DCTD: variants seen among roughly 807,000 people sequenced by gnomAD.
The protein encoded by DCTD is dCMP deaminase.
Under a neutral mutation model 21.0 loss-of-function variants are expected in DCTD, and 23 were observed. The observed-to-expected ratio is 1.09, with a 90% CI of 0.79 to 1.55. The LOEUF (loss-of-function observed/expected upper bound fraction) is 1.55. Ranked by LOEUF, DCTD falls within the 40% of genes most tolerant of loss-of-function variation. The probability of loss-of-function intolerance (pLI) is 0.00; values close to 1 mark genes in which losing one functional copy is unlikely to be tolerated. For synonymous variants in DCTD, 71 were observed against 81.1 expected, an observed-to-expected ratio of 0.88 and a Z score of 0.67; for missense variants, 224 against 230.0, an observed-to-expected ratio of 0.97 and a Z score of 0.17.
At chr4:182,907,287 G>A (rs961481022) in intron 3 of DCTD, among the ~76,000 whole-genome samples, 6 of 152,182 alleles carry the variant, frequency 3.9e-5, no homozygotes, top group East Asian at 1.9e-4. Flanking sequence ...ACAGCTGCAC[G>A]CCACAACACC....
chr4:182,915,963 T>C (rs2152865544), intron 1 of DCTD: 1 of 841,502 alleles, frequency 1.2e-6, no homozygotes, highest in Non-Finnish European at 1.5e-6. Context: ...ATTCCAGACA[T>C]TGTTAAAGTT....
chr4:182,900,807 C>A (rs1426489648), intron 3 of DCTD, among the ~76,000 whole-genome samples: 2 of 151,518 alleles, frequency 1.3e-5, no homozygotes, highest in East Asian at 1.9e-4. Flanking sequence ...GCCTTGATTG[C>A]CAGAAGAGAC....
At chr4:182,894,419 A>G (rs1734343959) in intron 4 of DCTD, 70 bp downstream of exon 4, 1 of 864,920 alleles carries the variant, frequency 1.2e-6, no homozygotes, top group Admixed American at 1.9e-5. Context: ...AAGATCAAAC[A>G]CATCAGCAAT....
intron 3 of DCTD, among the ~76,000 whole-genome samples, chr4:182,901,189 C>T (rs904433411): frequency 2.6e-5 from 4 of 152,182 alleles, no homozygotes; most frequent in Non-Finnish European, 4.4e-5. Flanking sequence ...CTAAATAATG[C>T]TGAACAAATT....
intron 3 of DCTD, among the ~76,000 whole-genome samples, chr4:182,896,719 C>T (rs1393975770): frequency 6.6e-6 from 1 of 152,184 alleles, no homozygotes; most frequent in Admixed American, 6.5e-5. Flanking sequence ...CTGGGTTTCA[C>T]GCTGCTTGGT....
chr4:182,891,419 G>T lies in DCTD; in HGVS notation c.517C>A (p.Pro173Thr). The change falls in exon 6 of 6, where the codon CCG (proline) becomes ACG (threonine). Residue 173 changes from proline to threonine, a missense_variant. Coordinates refer to ENST00000438320, the MANE Select transcript of DCTD (RefSeq NM_001921.3). ...VIDFDSINSRPSQKLQ is the reference protein window; with the variant it reads ...VIDFDSINSRTSQKLQ ...GTAACTCACTGAAGCTTTTGACTCG[G>T]TCTGCTGTTAATTGAATCAAAGTCA... is the stretch of plus-strand genomic sequence containing the variant. The T allele has an allele frequency of 6.2e-7, 1 of 1,611,010 alleles. No individual in the cohort carries two copies. The highest frequency in any genetic ancestry group is 1.1e-5 in the South Asian group (1 of 91,014).
intron 5 of DCTD, among the ~76,000 whole-genome samples, chr4:182,892,732 C>T (rs1304436035): frequency 5.3e-5 from 8 of 152,126 alleles, no homozygotes; most frequent in Non-Finnish European, 8.8e-5. Context: ...CAAGGTTTGG[C>T]ATTCCTATTA....
At chr4:182,906,331 A>T (rs1736712305) in intron 3 of DCTD, among the ~76,000 whole-genome samples, 1 of 152,126 alleles carries the variant, frequency 6.6e-6, no homozygotes, top group Non-Finnish European at 1.5e-5. Context: ...ATATTCAATC[A>T]TATCTGTTTG....
intron 3 of DCTD, 104 bp downstream of exon 3, chr4:182,914,819 G>T: frequency 1.5e-6 from 2 of 1,338,024 alleles, no homozygotes; most frequent in Non-Finnish European, 2.1e-6. Context: ...TTTCTTTCCA[G>T]TTGTTGATGA....
intron 3 of DCTD, among the ~76,000 whole-genome samples, chr4:182,898,598 C>T (rs1269910499): frequency 6.6e-6 from 1 of 152,156 alleles, no homozygotes; most frequent in Non-Finnish European, 1.5e-5. Context: ...CAGGCAAACA[C>T]AAGGCCGTGC....
intron 5 of DCTD, among the ~76,000 whole-genome samples, chr4:182,891,844 T>C (rs1380689592): frequency 6.6e-6 from 1 of 151,994 alleles, no homozygotes; most frequent in African/African-American, 2.4e-5. Context: ...GGAGTCTCTC[T>C]AATGCAAAAA....
At position 182,894,622 on chromosome 4, in the gene DCTD, A is replaced by T; in HGVS notation, c.245-17T>A. On this transcript the variant is annotated splice_polypyrimidine_tract_variant and intron_variant, in intron 3 of 5. Transcript: ENST00000438320. ...CATGGCACACTGTGGGTTGAAAGGG[A>T]AAGAAAGAAAAACTTTGGTTGCAGC... 1 of 1,556,240 alleles carries T rather than the reference A, an allele frequency of 6.4e-7. No homozygotes were observed.
Position 182,891,349 on chromosome 4 carries a change from C to T in DCTD, c.*50G>A, listed in dbSNP as rs753216574. The T allele has an allele frequency of 7.5e-7, 1 of 1,336,520 alleles. No individual in the cohort carries two copies. Among genetic ancestry groups the T allele is most frequent in the Middle Eastern group, 1.8e-4 (1 of 5,500 alleles). The allele number at this position is 1,336,520 out of a possible 1,614,324, so 82.8% of individuals were successfully genotyped here. A position where few individuals can be genotyped will look rare whatever the true frequency, so the allele number is the denominator to read the frequency against. Reference sequence around the variant, plus strand: ...CTTCAAGATGAAAGGCATTAGCAACCTCTTAGAAGACGATAATCCCAATCT... The same window carrying T: ...CTTCAAGATGAAAGGCATTAGCAACTTCTTAGAAGACGATAATCCCAATCT... On this transcript the variant is annotated 3_prime_UTR_variant, in exon 6 of 6. Transcript: ENST00000438320.
chr4:182,906,997 A>T (rs1371404878), intron 3 of DCTD, among the ~76,000 whole-genome samples: 1 of 152,238 alleles, frequency 6.6e-6, no homozygotes, highest in Admixed American at 6.5e-5. Flanking sequence ...GTTTGAATAA[A>T]TATTGTCATG....
At chr4:182,900,032 G>A (rs1388147349) in intron 3 of DCTD, among the ~76,000 whole-genome samples, 1 of 152,106 alleles carries the variant, frequency 6.6e-6, no homozygotes, top group Non-Finnish European at 1.5e-5. Flanking sequence ...TTCAGATTTT[G>A]GGCCAGGTGC....
chr4:182,901,648 C>T (rs761098507), intron 3 of DCTD, among the ~76,000 whole-genome samples: 3 of 152,100 alleles, frequency 2.0e-5, no homozygotes, highest in Non-Finnish European at 2.9e-5. Flanking sequence ...AGCTAAGAAG[C>T]GTCTGCTCAT....
In DCTD at chr4:182,902,206, A is replaced by G. The variant is rs76998827; in HGVS notation, c.245-7601T>C. 9.7e-3 allele frequency among the ~76,000 whole-genome samples: 1,480 copies of G among 152,172 alleles called. 35 individuals are homozygous for G. Among genetic ancestry groups the G allele is most frequent in the African/African-American group, 0.033 (1,388 of 41,514 alleles). ...AATAGCCGCGACAGTTAAGCCCCCC[A>G]CAACCCCCACCAAGTACACTCTCCC... On this transcript the variant is annotated intron_variant, in intron 3 of 5. Transcript: ENST00000438320.
In DCTD at chr4:182,904,095, C is replaced by T. The variant is rs1038512780; in HGVS notation, c.245-9490G>A. On this transcript the variant is annotated intron_variant, in intron 3 of 5. Transcript: ENST00000438320. ...CTCCCACTCTGCTCCCCATCCCTGC[C>T]CCCTTCCTCAATGCCTCTTGCTAAA... 2.0e-5 allele frequency among the ~76,000 whole-genome samples: 3 copies of T among 152,184 alleles called. No individual in the cohort carries two copies. The East Asian group carries it at 5.8e-4, about 30-fold the overall frequency.
chr4:182,908,880 GAT>G (rs1237426674), intron 3 of DCTD, among the ~76,000 whole-genome samples: 1 of 152,076 alleles, frequency 6.6e-6, no homozygotes, highest in African/African-American at 2.4e-5. Context: ...ACAGTACAAA[GAT>G]AAACTTCAGC....
Sources: gnomAD v4.1 joint callset for allele counts (sites outside exome capture counted in the v4.1 genomes callset) on GRCh38, gnomAD v4.1.1 for gene constraint, MANE v1.5 for transcripts, NCBI Gene and HGNC (gene_info 2026-07-23, HGNC 2026-07-21) for gene names.